Variants in GAS7 observed in about 807,000 individuals in gnomAD.
The protein encoded by GAS7 is growth arrest-specific protein 7.
GAS7 carries 28 observed loss-of-function variants against 71.1 expected under a neutral mutation model. That is an observed-to-expected ratio of 0.39 (90% CI 0.29 to 0.54). GAS7 has a LOEUF of 0.54. Among genes scored for constraint, GAS7 ranks in the 20% least tolerant of loss-of-function variants. The pLI is 0.62. For synonymous variants in GAS7, 258 were observed against 245.8 expected (o/e 1.05, Z -0.46); for missense variants, 436 against 627.8 (o/e 0.69, Z 3.27).
intron 1 of GAS7, among the ~76,000 whole-genome samples, chr17:10,156,144 T>C (rs2074203382): frequency 6.6e-6 from 1 of 152,224 alleles, no homozygotes; most frequent in Non-Finnish European, 1.5e-5. Context: ...AATGTCCCTC[T>C]CTTTCCATCA....
intron 9 of GAS7, among the ~76,000 whole-genome samples, chr17:9,932,360 A>G (rs909977036): frequency 6.6e-6 from 1 of 151,960 alleles, no homozygotes; most frequent in Non-Finnish European, 1.5e-5. Context: ...AAGCCCAGCT[A>G]ATTTTTGTAT....
chr17:10,092,714 G>A (rs1419316421), intron 1 of GAS7, among the ~76,000 whole-genome samples: 1 of 152,186 alleles, frequency 6.6e-6, no homozygotes, highest in African/African-American at 2.4e-5. Flanking sequence ...AAGGTGTCAG[G>A]AGGGCCACGC....
At chr17:10,060,075 C>G (rs1285559173) in intron 1 of GAS7, among the ~76,000 whole-genome samples, 1 of 152,200 alleles carries the variant, frequency 6.6e-6, no homozygotes, top group Non-Finnish European at 1.5e-5. Context: ...GCACATGCTC[C>G]TTCCGGTCTA....
At chr17:10,051,324 C>T (rs565664481) in intron 1 of GAS7, among the ~76,000 whole-genome samples, 1 of 152,334 alleles carries the variant, frequency 6.6e-6, no homozygotes, top group South Asian at 2.1e-4. Context: ...AACAGCACGG[C>T]TAAACTCTCC....
chr17:9,965,951 G>T (rs867311739), intron 4 of GAS7, among the ~76,000 whole-genome samples: 1 of 151,876 alleles, frequency 6.6e-6, no homozygotes, highest in South Asian at 2.1e-4. Flanking sequence ...ACTGGTGTCC[G>T]TGGAAAGTCC....
intron 3 of GAS7, among the ~76,000 whole-genome samples, chr17:9,970,728 C>G (rs1311870710): frequency 6.6e-6 from 1 of 152,182 alleles, no homozygotes; most frequent in Non-Finnish European, 1.5e-5. Flanking sequence ...CTCACTCATG[C>G]TCCCAACACT....
chr17:10,108,112 G>A (rs1287338298), intron 1 of GAS7, among the ~76,000 whole-genome samples: 10 of 152,206 alleles, frequency 6.6e-5, no homozygotes, highest in Admixed American at 2.0e-4. Context: ...GTCCAGTGGC[G>A]GGCTGGGCTG....
intron 1 of GAS7, among the ~76,000 whole-genome samples, chr17:10,057,949 C>T (rs546163116): frequency 8.5e-5 from 13 of 152,330 alleles, no homozygotes; most frequent in Admixed American, 5.2e-4. Context: ...TGGCCTTACC[C>T]CCAACCCCGT....
intron 1 of GAS7, among the ~76,000 whole-genome samples, chr17:10,110,999 G>A (rs573754813): frequency 7.2e-5 from 11 of 152,240 alleles, no homozygotes; most frequent in South Asian, 4.1e-4. Flanking sequence ...ATTACGCGTC[G>A]ATTAAAAAGT....
chr17:9,921,525 A>G, intron 11 of GAS7, among the ~76,000 whole-genome samples: 1 of 152,170 alleles, frequency 6.6e-6, no homozygotes, highest in East Asian at 1.9e-4. Flanking sequence ...GCTGATTTTG[A>G]GAAATTGCTT....
chr17:10,064,119 G>A (rs573828476), intron 1 of GAS7, among the ~76,000 whole-genome samples: 1 of 152,270 alleles, frequency 6.6e-6, no homozygotes, highest in African/African-American at 2.4e-5. Flanking sequence ...AGCAGCGGCG[G>A]CTGCTGCAGC....
At chr17:10,102,292 T>G (rs1044632871) in intron 1 of GAS7, among the ~76,000 whole-genome samples, 1 of 148,570 alleles carries the variant, frequency 6.7e-6, no homozygotes, top group African/African-American at 2.5e-5. Flanking sequence ...GAGCACAAGG[T>G]GACCCCTGAA....
At chr17:9,918,236 G>A (rs933928780) in intron 12 of GAS7, 137 bp from the exon 13 acceptor site, 20 of 626,142 alleles carry the variant, frequency 3.2e-5, no homozygotes, top group East Asian at 3.0e-4. Flanking sequence ...GATGAAGAGC[G>A]TGCCCCATAT....
At position 10,034,314 on chromosome 17, in the gene GAS7, TC is replaced by T; in HGVS notation, c.184-14418del. 1 of 652,464 alleles carries T rather than the reference TC, an allele frequency of 1.5e-6. No homozygotes were observed. The highest frequency in any genetic ancestry group is 1.9e-6 in the Non-Finnish European group (1 of 536,066). 40.4% of individuals were successfully genotyped at this position (652,464 alleles called of 1,614,324 possible). A position where few individuals can be genotyped will look rare whatever the true frequency, so the allele number is the denominator to read the frequency against. The stretch of plus-strand genomic sequence containing the variant: ...TATATATAGCCTAATACTTAATAAT[TC>T]TTTTTTTTTTTTTTAGACAGTCTTG... On this transcript the variant is annotated intron_variant, in intron 1 of 13. Coordinates refer to ENST00000432992, the MANE Select transcript of GAS7 (RefSeq NM_201433.2). The surrounding 1 kb of genome is among the most constrained non-coding windows in gnomAD (Gnocchi z 4.4).
intron 1 of GAS7, among the ~76,000 whole-genome samples, chr17:10,133,115 T>TA (rs201809756): frequency 0.033 from 4,062 of 123,618 alleles, 116 homozygotes; most frequent in South Asian, 0.076. Context: ...AGATTATATA[T>TA]TTTTATATTT....
At chr17:10,112,759 A>AAAAAAGAAAGAAAG (rs78421245) in intron 1 of GAS7, among the ~76,000 whole-genome samples, 80,294 of 144,440 alleles carry the variant, frequency 0.56, 22,807 homozygotes, top group Admixed American at 0.6. Flanking sequence ...CAAAGAAAAG[A>AAAAAAGAAAGAAAG]AAAAAGAAAG....
At position 9,996,566 on chromosome 17, in the gene GAS7, T is replaced by A. The variant is rs568005863; in HGVS notation, c.305-14682A>T. On this transcript the variant is annotated intron_variant, in intron 2 of 13. Coordinates refer to ENST00000432992, the MANE Select transcript of GAS7 (RefSeq NM_201433.2). ...GTACCCTAAAACTTAAAGTATAATT[T>A]AAAAAAAAAAAAAAGACTATATATA... is the stretch of plus-strand genomic sequence containing the variant. Among the ~76,000 whole-genome samples the A allele has an allele frequency of 6.0e-4, 83 of 139,378 alleles. 1 individual carries two copies. Among genetic ancestry groups the A allele is most frequent in the South Asian group, 2.1e-3 (9 of 4,338 alleles). 91.4% of individuals were successfully genotyped at this position (139,378 alleles called of 152,430 possible).
rs534859326 is a variant in GAS7 at position 9,914,975 on chromosome 17, A to G, written c.*2253T>C. On this transcript the variant is annotated 3_prime_UTR_variant, in exon 14 of 14. Transcript: ENST00000432992. ...AGCGATCACGGGCTTCCCTGACGAC[A>G]GGGCCATTATAGTGTCCTCAGATTA... The G allele has an allele frequency of 4.3e-6, 1 of 232,562 alleles. No individual in the cohort carries two copies. Among genetic ancestry groups the G allele is most frequent in the African/African-American group, 2.2e-5 (1 of 45,422 alleles). 14.4% of individuals were successfully genotyped at this position (232,562 alleles called of 1,614,324 possible). A position where few individuals can be genotyped will look rare whatever the true frequency, so the allele number is the denominator to read the frequency against.
chr17:10,165,950 G>T (rs565064738), intron 1 of GAS7, among the ~76,000 whole-genome samples: 2 of 151,878 alleles, frequency 1.3e-5, no homozygotes, highest in Non-Finnish European at 2.9e-5. Context: ...GGTCGGCCTC[G>T]CAGAGGTCTC....
Sources: allele counts gnomAD v4.1 joint callset (sites outside exome capture counted in the v4.1 genomes callset), GRCh38; gene constraint gnomAD v4.1.1; non-coding constraint Gnocchi (gnomAD v3.1); transcripts MANE v1.5; gene names NCBI Gene and HGNC (gene_info 2026-07-23, HGNC 2026-07-21).